Variants in GRIK1 observed in about 807,000 individuals in gnomAD.
GRIK1 encodes glutamate ionotropic receptor kainate type subunit 1.
GRIK1 carries 69 observed loss-of-function variants against 105.7 expected under a neutral mutation model. The ratio of observed to expected loss-of-function variants is 0.65; its 90% CI spans 0.54 to 0.80. The LOEUF (loss-of-function observed/expected upper bound fraction) is 0.80. Ranked by LOEUF, GRIK1 falls within the 30% of genes least tolerant of loss-of-function variation. The pLI is 0.00. For missense variants in GRIK1, 1,109 were observed against 1,167.3 expected, an observed-to-expected ratio of 0.95 and a Z score of 0.73; for synonymous variants, 438 against 431.3, an observed-to-expected ratio of 1.02 and a Z score of -0.19.
intron 7 of GRIK1, among the ~76,000 whole-genome samples, chr21:29,626,565 A>C (rs150458156): frequency 4.1e-4 from 63 of 152,334 alleles, no homozygotes; most frequent in African/African-American, 1.4e-3. Flanking sequence ...TGACACCTTG[A>C]TGCTGGGCTT....
intron 16 of GRIK1, among the ~76,000 whole-genome samples, chr21:29,540,842 A>G (rs866989828): frequency 1.6e-4 from 24 of 152,260 alleles, no homozygotes; most frequent in Middle Eastern, 3.4e-3. Flanking sequence ...CTGCAAAAGG[A>G]GGCGGGATAC....
At chr21:29,725,912 T>G (rs945671084) in intron 1 of GRIK1, among the ~76,000 whole-genome samples, 2 of 152,210 alleles carry the variant, frequency 1.3e-5, no homozygotes, top group Non-Finnish European at 2.9e-5. Context: ...TTTTCAGACT[T>G]TACACTTCAG....
chr21:29,837,670 T>C (rs1456902859), intron 1 of GRIK1, among the ~76,000 whole-genome samples: 2 of 152,168 alleles, frequency 1.3e-5, no homozygotes, highest in Non-Finnish European at 2.9e-5. Context: ...TTAGAATATA[T>C]GAAGAATAAA....
chr21:29,906,090 G>A (rs943606127), intron 1 of GRIK1, among the ~76,000 whole-genome samples: 1 of 152,124 alleles, frequency 6.6e-6, no homozygotes, highest in South Asian at 2.1e-4. Context: ...TGCTAGATAG[G>A]AAATACAGCA....
At chr21:29,790,190 C>T (rs115512721) in intron 1 of GRIK1, among the ~76,000 whole-genome samples, 2,496 of 152,236 alleles carry the variant, frequency 0.016, 66 homozygotes, top group African/African-American at 0.057. Context: ...GCTGGGACTA[C>T]AGGCATGCGC....
At chr21:29,820,327 T>C (rs1377515255) in intron 1 of GRIK1, among the ~76,000 whole-genome samples, 1 of 152,104 alleles carries the variant, frequency 6.6e-6, no homozygotes, top group Non-Finnish European at 1.5e-5. Flanking sequence ...TGGTAGTAAA[T>C]CCAGTGGTCA....
chr21:29,648,698 C>A (rs758607770), intron 6 of GRIK1, among the ~76,000 whole-genome samples: 1 of 151,852 alleles, frequency 6.6e-6, no homozygotes, highest in South Asian at 2.1e-4. Context: ...AAATATAACA[C>A]GTCAGGTCAT....
At chr21:29,659,712 G>A (rs1038365515) in intron 4 of GRIK1, among the ~76,000 whole-genome samples, 3 of 152,166 alleles carry the variant, frequency 2.0e-5, no homozygotes, top group African/African-American at 7.2e-5. Context: ...TGTAATCCCA[G>A]CACTTTGGGA....
intron 1 of GRIK1, among the ~76,000 whole-genome samples, chr21:29,843,836 G>A (rs184644397): frequency 3.9e-5 from 6 of 152,194 alleles, no homozygotes; most frequent in African/African-American, 1.4e-4. Context: ...CTGCTTTGCT[G>A]ATGATTTAAA....
intron 1 of GRIK1, among the ~76,000 whole-genome samples, chr21:29,697,160 A>C (rs1385436624): frequency 6.6e-6 from 1 of 152,240 alleles, no homozygotes; most frequent in Admixed American, 6.5e-5. Context: ...TGTCTCATAC[A>C]TGTGAGCTAA....
chr21:29,930,375 A>T (rs927467271), intron 1 of GRIK1, among the ~76,000 whole-genome samples: 1 of 152,210 alleles, frequency 6.6e-6, no homozygotes, highest in Admixed American at 6.5e-5. Flanking sequence ...AAATTTAGGA[A>T]AAAAGAAAAC....
chr21:29,866,660 A>C (rs1210768497), intron 1 of GRIK1, among the ~76,000 whole-genome samples: 1 of 152,196 alleles, frequency 6.6e-6, no homozygotes, highest in African/African-American at 2.4e-5. Flanking sequence ...CTTCTGATGA[A>C]CTGAGCAAGT....
chr21:29,779,182 C>T (rs997974656), intron 1 of GRIK1, among the ~76,000 whole-genome samples: 17 of 152,180 alleles, frequency 1.1e-4, no homozygotes, highest in African/African-American at 2.9e-4. Flanking sequence ...GACATATTTG[C>T]TTTTAATCCC....
intron 7 of GRIK1, among the ~76,000 whole-genome samples, chr21:29,611,183 C>T (rs948279204): frequency 1.3e-5 from 2 of 152,076 alleles, no homozygotes; most frequent in African/African-American, 2.4e-5. Flanking sequence ...GAGGATTGTA[C>T]TTTTGTTTGT....
At chr21:29,730,939 A>T (rs896804069) in intron 1 of GRIK1, among the ~76,000 whole-genome samples, 1 of 152,236 alleles carries the variant, frequency 6.6e-6, no homozygotes, top group Non-Finnish European at 1.5e-5. Context: ...CAGTGATAGC[A>T]GCCATTTAGT....
chr21:29,920,645 AACAG>A (rs2071161375), intron 1 of GRIK1, among the ~76,000 whole-genome samples: 1 of 152,076 alleles, frequency 6.6e-6, no homozygotes, highest in Admixed American at 6.5e-5. Context: ...GCTCCATGAA[AACAG>A]ACAGTCTATC....
intron 1 of GRIK1, among the ~76,000 whole-genome samples, chr21:29,866,162 G>A (rs1390092078): frequency 6.6e-6 from 1 of 151,958 alleles, no homozygotes; most frequent in Non-Finnish European, 1.5e-5. Flanking sequence ...AACCTCCCAG[G>A]TTCAATCAAT....
intron 1 of GRIK1, among the ~76,000 whole-genome samples, chr21:29,724,880 T>G (rs1246787822): frequency 6.6e-6 from 1 of 152,128 alleles, no homozygotes; most frequent in African/African-American, 2.4e-5. Flanking sequence ...GTTTCTTCCT[T>G]TTCTTGGAGG....
intron 5 of GRIK1, among the ~76,000 whole-genome samples, chr21:29,652,464 G>C (rs1259639875): frequency 6.6e-6 from 1 of 152,130 alleles, no homozygotes; most frequent in African/African-American, 2.4e-5. Flanking sequence ...ACATACTAGA[G>C]CACAAGGTTA....
Sources: allele counts gnomAD v4.1 joint callset (sites outside exome capture counted in the v4.1 genomes callset), GRCh38; gene constraint gnomAD v4.1.1; transcripts MANE v1.5; gene names NCBI Gene and HGNC (gene_info 2026-07-23, HGNC 2026-07-21).